Variants in ELOF1 observed in about 807,000 individuals in gnomAD.
ELOF1 encodes the protein transcription elongation factor 1 homolog.
In ELOF1, 4 loss-of-function variants were observed where a neutral mutation model predicts 7.1. The ratio of observed to expected loss-of-function variants is 0.56; its 90% CI spans 0.28 to 1.29. The LOEUF (loss-of-function observed/expected upper bound fraction) is 1.29, where lower values mean the gene tolerates loss of function less well. Among genes scored for constraint, ELOF1 ranks in the 50% most tolerant of loss-of-function variants. The pLI is 0.10. For missense variants in ELOF1, 59 were observed against 86.3 expected, an observed-to-expected ratio of 0.68 and a Z score of 1.25; for synonymous variants, 31 against 31.9, an observed-to-expected ratio of 0.97 and a Z score of 0.09.
chr19:11,554,515 C>T, intron 1 of ELOF1, 150 bp from the exon 2 acceptor site: 1 of 1,138,470 alleles, frequency 8.8e-7, no homozygotes, highest in Non-Finnish European at 1.2e-6. Flanking sequence ...AGTCCTGATG[C>T]AGGAGGACAA....
chr19:11,553,400 G>A (rs1418943330), intron 3 of ELOF1: 4 of 463,568 alleles, frequency 8.6e-6, no homozygotes, highest in Non-Finnish European at 1.5e-5. Context: ...AGGCTGGGGG[G>A]CCAGGGGCTG....
intron 2 of ELOF1, 25 bp downstream of exon 2, chr19:11,554,207 A>G (rs1568421196): frequency 6.2e-7 from 1 of 1,612,934 alleles, no homozygotes; most frequent in Non-Finnish European, 8.5e-7. Context: ...GGGAGGCTGG[A>G]TCCCTTGCCC....
intron 3 of ELOF1, chr19:11,553,394 T>TG (rs1972759839): frequency 2.2e-6 from 1 of 460,750 alleles, no homozygotes; most frequent in Non-Finnish European, 3.9e-6. Flanking sequence ...GCCCCAAGGC[T>TG]GGGGGGCCAG....
chr19:11,557,343 C>T (rs914042632), intron 1 of ELOF1, among the ~76,000 whole-genome samples: 1 of 152,198 alleles, frequency 6.6e-6, no homozygotes, highest in Non-Finnish European at 1.5e-5. Context: ...CGTTTATAAT[C>T]CCAGCACTTT....
exon 2 of ELOF1, chr19:11,554,236 T>C: frequency 6.2e-7 from 1 of 1,613,002 alleles, no homozygotes; most frequent in Non-Finnish European, 8.5e-7. Flanking sequence ...ACTCACATTT[T>C]CACATCACAG....
At chr19:11,553,581 C>CCACACA (rs1568420596) in intron 3 of ELOF1, 2 of 676,992 alleles carry the variant, frequency 3.0e-6, no homozygotes, top group Non-Finnish European at 2.4e-6. Context: ...CGCACACCCA[C>CCACACA]TACACACACA....
At chr19:11,554,444 A>G in intron 1 of ELOF1, 79 bp from the exon 2 acceptor site, 1 of 1,545,736 alleles carries the variant, frequency 6.5e-7, no homozygotes, top group Non-Finnish European at 8.7e-7. Context: ...GCAGGCCGGA[A>G]AGAGGGTCTG....
Sources: allele counts gnomAD v4.1 joint callset (sites outside exome capture counted in the v4.1 genomes callset), GRCh38; gene constraint gnomAD v4.1.1; transcripts MANE v1.5; gene names NCBI Gene and HGNC (gene_info 2026-07-23, HGNC 2026-07-21).